The following ATP8B4 variants were observed in gnomAD, a reference collection of about 807,000 sequenced individuals.
ATP8B4 encodes the protein ATPase phospholipid transporting 8B4 (putative).
ATP8B4 carries 133 observed loss-of-function variants against 145.6 expected under a neutral mutation model. The ratio of observed to expected loss-of-function variants is 0.91; its 90% confidence interval spans 0.79 to 1.05. The LOEUF is 1.05. ATP8B4 is among the 50% of genes least tolerant of loss of function. The pLI, the probability that ATP8B4 is intolerant of heterozygous loss-of-function variation, is 0.00. For synonymous variants in ATP8B4, 507 were observed against 492.9 expected (o/e 1.03, Z -0.38); for missense variants, 1,458 against 1,425.2 (o/e 1.02, Z -0.37).
At chr15:50,082,177 G>A (rs149138407) in intron 2 of ATP8B4, among the ~76,000 whole-genome samples, 1 of 152,120 alleles carries the variant, frequency 6.6e-6, no homozygotes, top group Non-Finnish European at 1.5e-5. Context: ...AAAGACATGA[G>A]GAAAGAACAA....
chr15:49,896,377 C>T (rs959444919), intron 23 of ATP8B4: 1 of 152,168 alleles, frequency 6.6e-6, no homozygotes, highest in Non-Finnish European at 1.5e-5. Flanking sequence ...TCACTAATCT[C>T]CCTTAGCACA....
chr15:49,924,348 T>G (rs1156412037), intron 16 of ATP8B4, among the ~76,000 whole-genome samples: 2 of 152,198 alleles, frequency 1.3e-5, no homozygotes, highest in Non-Finnish European at 2.9e-5. Context: ...GGCTGGGTAT[T>G]TCTTCCCAGA....
At chr15:50,134,855 A>C (rs1280461901) in intron 1 of ATP8B4, among the ~76,000 whole-genome samples, 1 of 152,180 alleles carries the variant, frequency 6.6e-6, no homozygotes, top group Admixed American at 6.5e-5. Context: ...CGTGGAACAA[A>C]TTCTGGTCCA....
Position 49,897,507 on chromosome 15 carries a change from T to A in ATP8B4, c.2482A>T (p.Ile828Phe), listed in dbSNP as rs769787068. ...NDVSMIKSAH[I>F]GVGISGQEGL... ...TCCTGGCCGCTGATGCCAACACCAA[T>A]GTGAGCACCTACAAAGGAAAGAGGA... is the stretch of plus-strand genomic sequence containing the variant. Residue 828 changes from isoleucine (I) to phenylalanine (F), a missense_variant, in exon 23 of 28, where the codon ATT (isoleucine) becomes TTT (phenylalanine). By Grantham distance (21) the Ile-to-Phe change is conservative. Coordinates refer to ENST00000284509, the MANE Select transcript of ATP8B4 (RefSeq NM_024837.4). 1.3e-6 allele frequency: 2 copies of A among 1,545,900 alleles called. No homozygotes were observed. Among genetic ancestry groups the A allele is most frequent in the Admixed American group, 4.0e-5 (2 of 49,698 alleles).
At chr15:50,041,215 A>G (rs1024244439) in intron 5 of ATP8B4, among the ~76,000 whole-genome samples, 1 of 152,192 alleles carries the variant, frequency 6.6e-6, no homozygotes, top group African/African-American at 2.4e-5. Context: ...AACAAGGAAA[A>G]ACCACACATT....
intron 14 of ATP8B4, among the ~76,000 whole-genome samples, chr15:49,950,619 C>CAAAAA (rs748025885): frequency 3.6e-5 from 4 of 109,970 alleles, no homozygotes; most frequent in African/African-American, 1.5e-4. Flanking sequence ...AACAAACAAA[C>CAAAAA]AAAAAAAACA....
Position 49,859,665 on chromosome 15 carries a change from CAG to C in ATP8B4, c.*527_*528del, listed in dbSNP as rs1234878935. ...CCATTTGTTGTCCTGGCTGAACAGA[CAG>C]GTAGATATCAAGACTAAAGAGTGAC... is the stretch of plus-strand genomic sequence containing the variant. On this transcript the variant is annotated 3_prime_UTR_variant, in exon 28 of 28. Transcript: ENST00000284509. 6.5e-6 allele frequency: 1 copy of C among 152,872 alleles called. No individual in the cohort carries two copies. The highest frequency in any genetic ancestry group is 1.5e-5 in the Non-Finnish European group (1 of 68,588). 9.5% of individuals were successfully genotyped at this position (152,872 alleles called of 1,614,324 possible). A position where few individuals can be genotyped will look rare whatever the true frequency, so the allele number is the denominator to read the frequency against.
At chr15:49,950,897 G>C (rs1219472533) in intron 14 of ATP8B4, among the ~76,000 whole-genome samples, 2 of 152,142 alleles carry the variant, frequency 1.3e-5, no homozygotes, top group Admixed American at 6.6e-5. Context: ...CTGGTACACT[G>C]TCTCTTTGTT....
Position 50,010,875 on chromosome 15 carries a change from G to T in ATP8B4, c.405C>A (p.Ile135=). The T allele has an allele frequency of 6.4e-7, 1 of 1,563,180 alleles. No individual in the cohort carries two copies. The highest frequency in any genetic ancestry group is 8.6e-7 in the Non-Finnish European group (1 of 1,156,370). The change falls in exon 7 of 28, where the codon ATC becomes ATA. Residue 135 remains isoleucine, a synonymous_variant. Transcript: ENST00000284509. ...EKWMNVKVGD[I]IKLENNQFVA... ...CAAATTGGTTATTTTCTAATTTAAT[G>T]ATGTCTCCCACTTTGACATTCATCC... is the stretch of plus-strand genomic sequence containing the variant.
chr15:49,870,412 T>G (rs753816902), intron 25 of ATP8B4, among the ~76,000 whole-genome samples: 3 of 152,204 alleles, frequency 2.0e-5, no homozygotes, highest in Non-Finnish European at 4.4e-5. Flanking sequence ...ACTTTTGTAC[T>G]CTTTGAAATG....
chr15:50,060,588 T>C (rs984887757), intron 3 of ATP8B4, among the ~76,000 whole-genome samples: 1 of 152,198 alleles, frequency 6.6e-6, no homozygotes, highest in African/African-American at 2.4e-5. Context: ...AGATAATACA[T>C]GTAAAGTGCT....
chr15:49,961,926 T>G, intron 14 of ATP8B4, 51 bp downstream of exon 14: 1 of 1,444,074 alleles, frequency 6.9e-7, no homozygotes, highest in Non-Finnish European at 9.5e-7. Context: ...TTCTTAAAAG[T>G]ACATATAATT....
At chr15:49,940,948 A>T (rs2042119116) in intron 14 of ATP8B4, among the ~76,000 whole-genome samples, 1 of 152,088 alleles carries the variant, frequency 6.6e-6, no homozygotes, top group Non-Finnish European at 1.5e-5. Context: ...AGAGAGAAAG[A>T]CAGAGAGAGC....
At chr15:50,103,702 C>CA (rs1235056638) in intron 2 of ATP8B4, among the ~76,000 whole-genome samples, 3 of 152,086 alleles carry the variant, frequency 2.0e-5, no homozygotes, top group Non-Finnish European at 4.4e-5. Flanking sequence ...AAAATACCAA[C>CA]ATCATTTTTC....
Position 50,002,076 on chromosome 15 carries a change from G to C in ATP8B4, c.506+77C>G, listed in dbSNP as rs979941931. ...GTCTCCCAAGAAGATACTGAACAAG[G>C]TTAAGTCTTATCTCTAAAGACATTA... On this transcript the variant is annotated intron_variant, in intron 8 of 27. Coordinates refer to ENST00000284509, the MANE Select transcript of ATP8B4 (RefSeq NM_024837.4). 2.1e-5 allele frequency: 26 copies of C among 1,232,752 alleles called. No individual in the cohort carries two copies. In the South Asian group the frequency reaches 3.5e-4, roughly 16 times the overall value. The allele number at this position is 1,232,752 out of a possible 1,614,324, so 76.4% of individuals were successfully genotyped here.
intron 6 of ATP8B4, among the ~76,000 whole-genome samples, chr15:50,012,699 G>A (rs1237076798): frequency 6.6e-6 from 1 of 151,984 alleles, no homozygotes; most frequent in Non-Finnish European, 1.5e-5. Context: ...CACAAAATAG[G>A]TTATTTTAAA....
intron 20 of ATP8B4, among the ~76,000 whole-genome samples, chr15:49,907,482 A>C (rs937832638): frequency 1.3e-5 from 2 of 152,174 alleles, no homozygotes; most frequent in Admixed American, 6.5e-5. Context: ...TTATTGGGGA[A>C]ATAGTTACAA....
At chr15:50,093,914 G>A (rs894718887) in intron 2 of ATP8B4, among the ~76,000 whole-genome samples, 3 of 152,118 alleles carry the variant, frequency 2.0e-5, no homozygotes, top group African/African-American at 7.2e-5. Context: ...AGTAACAAAA[G>A]ATTGATCTTC....
intron 15 of ATP8B4, 145 bp downstream of exon 15, chr15:49,933,872 C>T: frequency 2.5e-6 from 2 of 796,624 alleles, no homozygotes; most frequent in East Asian, 3.1e-5. Context: ...TCAAATTTAA[C>T]ATCAGTTTCT....
Sources: gnomAD v4.1 joint callset for allele counts (sites outside exome capture counted in the v4.1 genomes callset) on GRCh38, gnomAD v4.1.1 for gene constraint, MANE v1.5 for transcripts, NCBI Gene and HGNC (gene_info 2026-07-23, HGNC 2026-07-21) for gene names.